PHYHD1: variants seen among roughly 807,000 people sequenced by gnomAD.
PHYHD1 encodes the protein phytanoyl-CoA dioxygenase domain-containing protein 1.
In PHYHD1, 42 loss-of-function variants were observed where a neutral mutation model predicts 43.6. The observed-to-expected ratio is 0.96, with a 90% CI of 0.75 to 1.25. The LOEUF is 1.25. Among genes scored for constraint, PHYHD1 ranks in the 50% most tolerant of loss-of-function variants. The pLI is 0.00. For synonymous variants in PHYHD1, 139 were observed against 143.6 expected (o/e 0.97, Z 0.23); for missense variants, 342 against 370.8 (o/e 0.92, Z 0.64).
chr9:128,922,108 G>C (rs746945877), intron 2 of PHYHD1, 61 bp downstream of exon 2: 2 of 559,878 alleles, frequency 3.6e-6, no homozygotes, highest in Non-Finnish European at 6.4e-6. Flanking sequence ...AAAATCCTTG[G>C]AGATGGGAAA....
At chr9:128,931,728 C>T (rs1426783659) in intron 4 of PHYHD1, among the ~76,000 whole-genome samples, 2 of 151,938 alleles carry the variant, frequency 1.3e-5, no homozygotes, top group Non-Finnish European at 2.9e-5. Flanking sequence ...AGGGTTTCAC[C>T]GTGTTAGCCA....
At chr9:128,924,843 G>C (rs752451096) in intron 3 of PHYHD1, among the ~76,000 whole-genome samples, 3 of 152,116 alleles carry the variant, frequency 2.0e-5, no homozygotes, top group Non-Finnish European at 4.4e-5. Context: ...GCTGAGGCAG[G>C]AGAATCACTT....
At chr9:128,932,949 G>A (rs1412108862) in intron 4 of PHYHD1, among the ~76,000 whole-genome samples, 19 of 151,298 alleles carry the variant, frequency 1.3e-4, no homozygotes, top group African/African-American at 4.1e-4. Flanking sequence ...CCGGGTTCAC[G>A]CCATTCTCCT....
chr9:128,929,564 T>A (rs1310066093), intron 4 of PHYHD1, among the ~76,000 whole-genome samples: 1 of 151,060 alleles, frequency 6.6e-6, no homozygotes, highest in Non-Finnish European at 1.5e-5. Flanking sequence ...TCCCAGCTAC[T>A]TGGGTGGCTG....
intron 4 of PHYHD1, among the ~76,000 whole-genome samples, chr9:128,929,258 G>T (rs1841212749): frequency 6.6e-6 from 1 of 151,660 alleles, no homozygotes; most frequent in African/African-American, 2.4e-5. Context: ...TTGGGGCCAG[G>T]AGGTTGAGGC....
chr9:128,940,016 G>C (rs1261176251), intron 9 of PHYHD1, among the ~76,000 whole-genome samples: 1 of 152,142 alleles, frequency 6.6e-6, no homozygotes, highest in Non-Finnish European at 1.5e-5. Context: ...GCTTGTCCCT[G>C]GTTAAGAAGG....
intron 4 of PHYHD1, among the ~76,000 whole-genome samples, chr9:128,930,080 C>T (rs1484195129): frequency 1.3e-5 from 2 of 151,780 alleles, no homozygotes; most frequent in Admixed American, 6.6e-5. Context: ...GAGTTCAACA[C>T]CAGCCTGAGC....
At chr9:128,927,269 C>T (rs889872189) in intron 4 of PHYHD1, 73 bp downstream of exon 4, 31 of 1,577,764 alleles carry the variant, frequency 2.0e-5, no homozygotes, top group African/African-American at 9.4e-5. Flanking sequence ...AGAGCAGCAT[C>T]GTGGAAGGGA....
In PHYHD1 at chr9:128,941,959, C is replaced by T; in HGVS notation, c.*246C>T. 2 of 571,804 alleles carry T rather than the reference C, an allele frequency of 3.5e-6. No homozygotes were observed. Among genetic ancestry groups the T allele is most frequent in the Non-Finnish European group, 6.2e-6 (2 of 321,292 alleles). The allele number at this position is 571,804 out of a possible 1,614,324, so 35.4% of individuals were successfully genotyped here. On this transcript the variant is annotated 3_prime_UTR_variant, in exon 13 of 13. Transcript: ENST00000372592. ...CTCAGCCACCAAAGGGTTCTGGCCC[C>T]TTCTCACTCTCCTCTCCTCTCAGAT...
chr9:128,921,444 GC>G lies in PHYHD1; in HGVS notation c.-381del, dbSNP rs1444153604. 1 of 152,278 alleles carries G rather than the reference GC, an allele frequency of 6.6e-6. No individual in the cohort carries two copies. Among genetic ancestry groups the G allele is most frequent in the Non-Finnish European group, 1.5e-5 (1 of 68,106 alleles). The allele number at this position is 152,278 out of a possible 1,614,324, so 9.4% of individuals were successfully genotyped here. On this transcript the variant is annotated 5_prime_UTR_variant, in exon 1 of 13. An upstream open reading frame in the 5' UTR loses its in-frame stop. Transcript: ENST00000372592. ...CTCGCGAGCAGCTGGGACTACAGGT[GC>G]CCGCCACCACGCCCGGCTAATTTTT...
intron 6 of PHYHD1, among the ~76,000 whole-genome samples, chr9:128,934,629 A>G (rs1438239689): frequency 1.3e-5 from 2 of 151,580 alleles, no homozygotes; most frequent in African/African-American, 4.8e-5. Context: ...TTAGCTGAAT[A>G]TGGTTGCGCA....
rs758462227 is a variant in PHYHD1, at chr9:128,933,822, G to T, written c.233G>T (p.Arg78Leu). The T allele has an allele frequency of 3.7e-6, 6 of 1,614,012 alleles. No homozygotes were observed. Among genetic ancestry groups the T allele is most frequent in the East Asian group, 2.2e-5 (1 of 44,902 alleles). The stretch of plus-strand genomic sequence containing the variant: ...TTCTTGAGCAGTGGTGACAAGATTC[G>T]ATTCTTCTTTGAGAAAGGCGTTTTT... ...DYFLSSGDKI[R>L]FFFEKGVFDE... Residue 78 changes from arginine (R) to leucine (L), a missense_variant, in exon 5 of 13, where the codon CGA becomes CTA. By Grantham distance (102) the Arg-to-Leu change is moderately radical. Coordinates refer to ENST00000372592, the MANE Select transcript of PHYHD1 (RefSeq NM_001100876.2).
chr9:128,938,321 CAAAA>C (rs958237275), intron 9 of PHYHD1, among the ~76,000 whole-genome samples: 2 of 151,248 alleles, frequency 1.3e-5, no homozygotes, highest in African/African-American at 2.4e-5. Context: ...ACCAAACAAA[CAAAA>C]AAACCAAACC....
At chr9:128,928,617 C>T (rs2131100402) in intron 4 of PHYHD1, among the ~76,000 whole-genome samples, 1 of 152,116 alleles carries the variant, frequency 6.6e-6, no homozygotes, top group East Asian at 1.9e-4. Context: ...ACAGGAGAAT[C>T]GCTTGAACCC....
At chr9:128,930,252 C>A (rs1265622674) in intron 4 of PHYHD1, among the ~76,000 whole-genome samples, 1 of 150,266 alleles carries the variant, frequency 6.7e-6, no homozygotes, top group African/African-American at 2.5e-5. Flanking sequence ...TGGACTCCAG[C>A]CTGGGGGACA....
chr9:128,922,421 G>T, intron 3 of PHYHD1, 65 bp downstream of exon 3: 2 of 1,525,392 alleles, frequency 1.3e-6, no homozygotes, highest in Non-Finnish European at 1.8e-6. Flanking sequence ...ACCTTCAGTA[G>T]TCCCAGTGCC....
chr9:128,937,541 T>C (rs1841454750), intron 8 of PHYHD1, among the ~76,000 whole-genome samples: 1 of 152,194 alleles, frequency 6.6e-6, no homozygotes. Context: ...ATGTGTGTGC[T>C]TGCACATGCT....
chr9:128,940,352 C>G lies in PHYHD1; in HGVS notation c.458-17C>G, dbSNP rs764360465. 125 of 1,613,722 alleles carry G rather than the reference C, an allele frequency of 7.7e-5. No individual in the cohort carries two copies. Among genetic ancestry groups the G allele is most frequent in the Non-Finnish European group, 9.2e-5 (108 of 1,179,806 alleles). On this transcript the variant is annotated splice_polypyrimidine_tract_variant and intron_variant, in intron 9 of 12. Transcript: ENST00000372592. Reference sequence around the variant, plus strand: ...AGGCAAAAGGATGAGCTCCTCACCCCCCGTGGGCCTGCTTAGTCTCCCCTC... The same window carrying G: ...AGGCAAAAGGATGAGCTCCTCACCCGCCGTGGGCCTGCTTAGTCTCCCCTC...
At chr9:128,932,084 C>G (rs1292610087) in intron 4 of PHYHD1, among the ~76,000 whole-genome samples, 1 of 151,666 alleles carries the variant, frequency 6.6e-6, no homozygotes, top group Non-Finnish European at 1.5e-5. Flanking sequence ...ATCTGCCCAC[C>G]TCAGCCTCCC....
Sources: gnomAD v4.1 joint callset for allele counts (sites outside exome capture counted in the v4.1 genomes callset) on GRCh38, gnomAD v4.1.1 for gene constraint, MANE v1.5 for transcripts, NCBI Gene and HGNC (gene_info 2026-07-23, HGNC 2026-07-21) for gene names.